The following ASTN2 variants were observed in gnomAD, a reference collection of about 807,000 sequenced individuals.
The protein encoded by ASTN2 is astrotactin 2.
Under a neutral mutation model 139.8 loss-of-function variants are expected in ASTN2, and 54 were observed. That is an observed-to-expected ratio of 0.39 (90% CI 0.31 to 0.48). ASTN2 has a LOEUF of 0.48. ASTN2 is among the 20% of genes least tolerant of loss of function. The pLI is 0.95. For missense variants in ASTN2, 1,565 were observed against 1,725.1 expected, an observed-to-expected ratio of 0.91 and a Z score of 1.64; for synonymous variants, 756 against 719.5, an observed-to-expected ratio of 1.05 and a Z score of -0.81.
chr9:117,170,148 T>C (rs1830757666), intron 3 of ASTN2, among the ~76,000 whole-genome samples: 1 of 152,140 alleles, frequency 6.6e-6, no homozygotes, highest in African/African-American at 2.4e-5. Context: ...AGCAAGTATT[T>C]AATAGTAATA....
chr9:117,152,508 A>G (rs1027937678), intron 3 of ASTN2, among the ~76,000 whole-genome samples: 6 of 152,144 alleles, frequency 3.9e-5, no homozygotes, highest in Non-Finnish European at 7.4e-5. Context: ...GCTTCTGCTC[A>G]TGGTCTTCTG....
chr9:117,142,289 T>A (rs970279736), intron 3 of ASTN2, among the ~76,000 whole-genome samples: 6 of 152,132 alleles, frequency 3.9e-5, no homozygotes, highest in Non-Finnish European at 8.8e-5. Context: ...AACTAAAGTA[T>A]GGAGAATGCA....
At chr9:116,886,841 T>A (rs1202430162) in intron 10 of ASTN2, among the ~76,000 whole-genome samples, 1 of 151,950 alleles carries the variant, frequency 6.6e-6, no homozygotes, top group Non-Finnish European at 1.5e-5. Flanking sequence ...GGGAGACAGA[T>A]AACAAACCAA....
chr9:117,294,118 CAGA>C (rs1834667514), intron 1 of ASTN2, among the ~76,000 whole-genome samples: 1 of 152,230 alleles, frequency 6.6e-6, no homozygotes. Flanking sequence ...CAGAAGGTCT[CAGA>C]AGGTTAGTGA....
intron 11 of ASTN2, among the ~76,000 whole-genome samples, chr9:116,833,946 A>G (rs1831903821): frequency 7.0e-6 from 1 of 142,862 alleles, no homozygotes; most frequent in African/African-American, 2.6e-5. Context: ...GGACACAGAA[A>G]GAAGGCAAGC....
At chr9:117,270,599 T>G (rs1191128735) in intron 2 of ASTN2, among the ~76,000 whole-genome samples, 1 of 152,330 alleles carries the variant, frequency 6.6e-6, no homozygotes, top group East Asian at 1.9e-4. Flanking sequence ...CCCCTGTACC[T>G]GGCATAAGGA....
chr9:116,431,867 GAC>G (rs1347666982), intron 22 of ASTN2, among the ~76,000 whole-genome samples: 1 of 152,056 alleles, frequency 6.6e-6, no homozygotes, highest in Non-Finnish European at 1.5e-5. Context: ...AAAACATTAT[GAC>G]ACAGTCACCC....
chr9:117,246,801 A>G (rs547261244), intron 2 of ASTN2, among the ~76,000 whole-genome samples: 13 of 152,304 alleles, frequency 8.5e-5, no homozygotes, highest in African/African-American at 2.9e-4. Context: ...AAGTCCTTCT[A>G]GTCTGGAGGT....
chr9:116,931,294 G>A (rs1179192708), intron 10 of ASTN2, among the ~76,000 whole-genome samples: 1 of 152,088 alleles, frequency 6.6e-6, no homozygotes, highest in Non-Finnish European at 1.5e-5. Context: ...TTATTATGGT[G>A]GAGACATGGG....
At chr9:117,203,510 A>G (rs541606259) in intron 3 of ASTN2, among the ~76,000 whole-genome samples, 111 of 151,896 alleles carry the variant, frequency 7.3e-4, no homozygotes, top group Non-Finnish European at 1.3e-3. Flanking sequence ...TGACCCTTGG[A>G]TGGGGTTTTT....
intron 7 of ASTN2, among the ~76,000 whole-genome samples, chr9:116,997,788 G>T (rs1270714956): frequency 1.3e-5 from 2 of 152,174 alleles, no homozygotes; most frequent in Admixed American, 1.3e-4. Flanking sequence ...TAAAGTCTTT[G>T]CATGGTGTTT....
At chr9:116,802,452 A>G (rs1830889469) in intron 13 of ASTN2, among the ~76,000 whole-genome samples, 1 of 152,188 alleles carries the variant, frequency 6.6e-6, no homozygotes, top group Non-Finnish European at 1.5e-5. Flanking sequence ...AGCAGTCAGG[A>G]GAACTGAGAA....
At chr9:117,043,860 A>G (rs1838652477) in intron 5 of ASTN2, among the ~76,000 whole-genome samples, 1 of 149,682 alleles carries the variant, frequency 6.7e-6, no homozygotes, top group African/African-American at 2.5e-5. Context: ...ATGAGCTGAG[A>G]TCGCACCATT....
At chr9:117,037,398 A>C (rs1231033135) in intron 6 of ASTN2, among the ~76,000 whole-genome samples, 3 of 152,168 alleles carry the variant, frequency 2.0e-5, no homozygotes, top group African/African-American at 7.2e-5. Flanking sequence ...TCTGATGACC[A>C]TGATAAAAAA....
At position 117,385,259 on chromosome 9, in the gene ASTN2, G is replaced by A. The variant is rs1410502619; in HGVS notation, c.442+29238C>T. On this transcript the variant is annotated intron_variant, in intron 1 of 22. Transcript: ENST00000313400. ...CCCACCTCAGTCTCCCACAGTGGTA[G>A]GATTATAGGCATAAACCACTGTGCC... Among the ~76,000 whole-genome samples, 3 of 152,102 alleles carry A rather than the reference G, an allele frequency of 2.0e-5. No homozygotes were observed. In the East Asian group the frequency reaches 5.8e-4, roughly 29 times the overall value.
At chr9:117,283,535 G>C (rs2130770646) in intron 2 of ASTN2, among the ~76,000 whole-genome samples, 1 of 152,246 alleles carries the variant, frequency 6.6e-6, no homozygotes, top group East Asian at 1.9e-4. Context: ...ATATAAGCTT[G>C]GTATCTTCAT....
intron 1 of ASTN2, among the ~76,000 whole-genome samples, chr9:117,411,052 G>A (rs899647247): frequency 6.6e-6 from 1 of 152,128 alleles, no homozygotes; most frequent in African/African-American, 2.4e-5. Flanking sequence ...CTACAAGAAT[G>A]TAGGTGTCTG....
intron 19 of ASTN2, among the ~76,000 whole-genome samples, chr9:116,602,223 G>A (rs1490640728): frequency 6.6e-6 from 1 of 152,152 alleles, no homozygotes; most frequent in Non-Finnish European, 1.5e-5. Flanking sequence ...GTAAGCTGAG[G>A]AATGAAAAGA....
intron 5 of ASTN2, among the ~76,000 whole-genome samples, chr9:117,094,917 G>C (rs747101371): frequency 2.0e-5 from 3 of 152,200 alleles, no homozygotes; most frequent in Non-Finnish European, 4.4e-5. Context: ...CAAATAACTT[G>C]CCTAAGAGCC....
Sources: allele counts gnomAD v4.1 joint callset (sites outside exome capture counted in the v4.1 genomes callset), GRCh38; gene constraint gnomAD v4.1.1; transcripts MANE v1.5; gene names NCBI Gene and HGNC (gene_info 2026-07-23, HGNC 2026-07-21).